USP6NL: variants seen among roughly 807,000 people sequenced by gnomAD.
The protein encoded by USP6NL is USP6 N-terminal like, also known as USP6 N-terminal-like protein.
Under a neutral mutation model 61.9 loss-of-function variants are expected in USP6NL, and 26 were observed. The observed-to-expected ratio is 0.42, with a 90% CI of 0.31 to 0.58. The LOEUF is 0.58. Ranked by LOEUF, USP6NL falls within the 20% of genes least tolerant of loss-of-function variation. The pLI is 0.16. For synonymous variants in USP6NL, 432 were observed against 390.1 expected (o/e 1.11, Z -1.27); for missense variants, 1,114 against 1,034.3 (o/e 1.08, Z -1.06).
intron 6 of USP6NL, among the ~76,000 whole-genome samples, chr10:11,505,421 A>T (rs964236006): frequency 2.0e-5 from 3 of 152,212 alleles, no homozygotes; most frequent in Non-Finnish European, 4.4e-5. Context: ...AAAAATTAGG[A>T]CATAGAAAGG....
intron 2 of USP6NL, among the ~76,000 whole-genome samples, chr10:11,543,169 T>C (rs1299215479): frequency 3.3e-5 from 5 of 152,220 alleles, no homozygotes; most frequent in Admixed American, 3.3e-4. Flanking sequence ...TTTTTAACTA[T>C]GCAAATTTTA....
intron 4 of USP6NL, among the ~76,000 whole-genome samples, chr10:11,521,673 C>A (rs1246003949): frequency 6.6e-6 from 1 of 152,168 alleles, no homozygotes; most frequent in African/African-American, 2.4e-5. Flanking sequence ...AGCCACCGCG[C>A]CCGGCCAATG....
rs1837465503 is a variant in USP6NL at position 11,574,286 on chromosome 10, T to TA, written c.4+23344dup. On this transcript the variant is annotated intron_variant, in intron 2 of 14. Coordinates refer to ENST00000609104, the MANE Select transcript of USP6NL (RefSeq NM_014688.5). The surrounding 1 kb of genome is among the most constrained non-coding windows in gnomAD (Gnocchi z 4.3). Reference sequence around the variant, plus strand: ...GATATGGTGCCTCAAAAATATCCTATAAATTCCTTGTCCTCCTCCTCACAT... The same window carrying TA: ...GATATGGTGCCTCAAAAATATCCTATAAAATTCCTTGTCCTCCTCCTCACAT... Among the ~76,000 whole-genome samples the TA allele has an allele frequency of 6.6e-6, 1 of 152,218 alleles. No individual in the cohort carries two copies. Among genetic ancestry groups the TA allele is most frequent in the Non-Finnish European group, 1.5e-5 (1 of 68,032 alleles).
intron 2 of USP6NL, among the ~76,000 whole-genome samples, chr10:11,555,461 G>GAGAGAGAA (rs1555171114): frequency 2.3e-5 from 2 of 88,854 alleles, no homozygotes; most frequent in African/African-American, 9.2e-5. Flanking sequence ...TAGAGAGAGA[G>GAGAGAGAA]AGAGAGAGAA....
At chr10:11,578,473 T>C (rs946041402) in intron 2 of USP6NL, among the ~76,000 whole-genome samples, 1 of 152,190 alleles carries the variant, frequency 6.6e-6, no homozygotes, top group Non-Finnish European at 1.5e-5. Context: ...TTAAGCCTTT[T>C]ATAGATACTC....
chr10:11,593,355 A>T (rs576257108), intron 2 of USP6NL, among the ~76,000 whole-genome samples: 103 of 152,222 alleles, frequency 6.8e-4, no homozygotes, highest in African/African-American at 2.2e-3. Flanking sequence ...AGTTTTTTTT[A>T]AAATATATTC....
chr10:11,579,946 C>G (rs1160725360), intron 2 of USP6NL, among the ~76,000 whole-genome samples: 1 of 132,716 alleles, frequency 7.5e-6, no homozygotes, highest in Non-Finnish European at 1.6e-5. Context: ...AGATTACAAA[C>G]CACCAGTGGA....
intron 6 of USP6NL, among the ~76,000 whole-genome samples, chr10:11,506,118 T>C (rs1475281363): frequency 2.6e-5 from 4 of 152,230 alleles, no homozygotes. Context: ...TAACAAGCTG[T>C]GTGACCTTAA....
At chr10:11,523,337 C>G (rs1236657277) in intron 4 of USP6NL, among the ~76,000 whole-genome samples, 7 of 152,216 alleles carry the variant, frequency 4.6e-5, no homozygotes, top group African/African-American at 1.7e-4. Flanking sequence ...ACCCAACTAT[C>G]ACAAGTGTGG....
Position 11,597,601 on chromosome 10 carries a change from G to A in USP6NL, c.4+30C>T, listed in dbSNP as rs1838371167. ...ACAATACAGCAAACGCTCCTGAGAT[G>A]GCTGGAAGGAAAGGAAGCAGCGCAC... On this transcript the variant is annotated intron_variant, in intron 2 of 14. Transcript: ENST00000609104. This position sits in a 1 kb window ranked among gnomAD's most constrained non-coding sequence, Gnocchi z 4.6. 2 of 1,549,958 alleles carry A rather than the reference G, an allele frequency of 1.3e-6. No individual in the cohort carries two copies. The highest frequency in any genetic ancestry group is 1.7e-6 in the Non-Finnish European group (2 of 1,145,430).
chr10:11,462,426 A>C lies in USP6NL; in HGVS notation c.*15T>G. ...CGTGGTTTCTCTCTCGTCTTTAGCA[A>C]GTACACGTCAAATCTCACAGCAACA... On this transcript the variant is annotated 3_prime_UTR_variant, in exon 15 of 15. Coordinates refer to ENST00000609104, the MANE Select transcript of USP6NL (RefSeq NM_014688.5). The C allele has an allele frequency of 6.2e-7, 1 of 1,605,714 alleles. No individual in the cohort carries two copies. Among genetic ancestry groups the C allele is most frequent in the Non-Finnish European group, 8.5e-7 (1 of 1,175,728 alleles).
In USP6NL at chr10:11,481,988, T is replaced by C; in HGVS notation, c.926-66A>G. The C allele has an allele frequency of 6.8e-7, 1 of 1,479,776 alleles. No individual in the cohort carries two copies. The highest frequency in any genetic ancestry group is 2.4e-5 in the East Asian group (1 of 42,280). 91.7% of individuals were successfully genotyped at this position (1,479,776 alleles called of 1,614,324 possible). A position where few individuals can be genotyped will look rare whatever the true frequency, so the allele number is the denominator to read the frequency against. ...CTACTTTAGGTAGGAAGATATTCTATTATATTCAGGTGTAGTGTAAAAGGG... is the reference window on the plus strand; with the variant it reads ...CTACTTTAGGTAGGAAGATATTCTACTATATTCAGGTGTAGTGTAAAAGGG... On this transcript the variant is annotated intron_variant, in intron 13 of 14. Transcript: ENST00000609104. This position sits in a 1 kb window ranked among gnomAD's most constrained non-coding sequence, Gnocchi z 4.4.
chr10:11,576,879 A>G (rs1264422408), intron 2 of USP6NL, among the ~76,000 whole-genome samples: 3 of 152,096 alleles, frequency 2.0e-5, no homozygotes, highest in African/African-American at 7.2e-5. Flanking sequence ...AAATCACCTA[A>G]TAAGTTCCCT....
chr10:11,594,293 C>G (rs1356800903), intron 2 of USP6NL, among the ~76,000 whole-genome samples: 1 of 152,156 alleles, frequency 6.6e-6, no homozygotes, highest in Non-Finnish European at 1.5e-5. Flanking sequence ...AAATGTAACT[C>G]AGTCTGATTC....
Position 11,528,775 on chromosome 10 carries a change from T to A in USP6NL, c.5-1208A>T, listed in dbSNP as rs1336014685. On this transcript the variant is annotated intron_variant, in intron 2 of 14. Transcript: ENST00000609104. The surrounding 1 kb of genome is among the most constrained non-coding windows in gnomAD (Gnocchi z 4.6). ...ATAGCAACTATAGGGATTCTTGAAA[T>A]CCCCTCCTCAAAGCAAATGGTGGTT... Among the ~76,000 whole-genome samples, 3 of 152,020 alleles carry A rather than the reference T, an allele frequency of 2.0e-5. No individual in the cohort carries two copies. Among genetic ancestry groups the A allele is most frequent in the Non-Finnish European group, 4.4e-5 (3 of 67,992 alleles).
chr10:11,500,907 ACTGAAGTAT>A (rs1188347720), intron 7 of USP6NL, among the ~76,000 whole-genome samples, 185 bp downstream of exon 7: 1 of 152,222 alleles, frequency 6.6e-6, no homozygotes, highest in African/African-American at 2.4e-5. Flanking sequence ...TAACATTTTT[ACTGAAGTAT>A]CTATTTAAAA....
chr10:11,547,751 A>G (rs1251221139), intron 2 of USP6NL, among the ~76,000 whole-genome samples: 2 of 152,178 alleles, frequency 1.3e-5, no homozygotes, highest in East Asian at 1.9e-4. Context: ...CGTGTTATCC[A>G]GGATGGTCTC....
intron 2 of USP6NL, among the ~76,000 whole-genome samples, chr10:11,542,578 G>T (rs1034330529): frequency 6.6e-6 from 1 of 152,118 alleles, no homozygotes; most frequent in Admixed American, 6.5e-5. Flanking sequence ...AGTTAGCCAG[G>T]CATGGTGATG....
chr10:11,503,953 C>T (rs1834323614), intron 6 of USP6NL, among the ~76,000 whole-genome samples: 1 of 152,006 alleles, frequency 6.6e-6, no homozygotes, highest in Admixed American at 6.6e-5. Flanking sequence ...TACTAAAATA[C>T]ATGGAATAGC....
Sources: gnomAD v4.1 joint callset for allele counts (sites outside exome capture counted in the v4.1 genomes callset) on GRCh38, gnomAD v4.1.1 for gene constraint, Gnocchi (gnomAD v3.1) non-coding constraint, MANE v1.5 for transcripts, NCBI Gene and HGNC (gene_info 2026-07-23, HGNC 2026-07-21) for gene names.